STAU2: variants seen among roughly 807,000 people sequenced by gnomAD.
STAU2 encodes double-stranded RNA-binding protein Staufen homolog 2.
A neutral mutation model predicts 65.9 loss-of-function variants in STAU2; 20 were observed. The observed-to-expected ratio is 0.30, with a 90% CI of 0.21 to 0.44. STAU2 has a LOEUF of 0.44. Among genes scored for constraint, STAU2 ranks in the 20% least tolerant of loss-of-function variants. The pLI is 1.00. For missense variants in STAU2, 558 were observed against 683.9 expected (o/e 0.82, Z 2.05); for synonymous variants, 232 against 233.9 (o/e 0.99, Z 0.07).
chr8:73,437,926 G>C (rs978619253), intron 13 of STAU2, among the ~76,000 whole-genome samples: 10 of 152,230 alleles, frequency 6.6e-5, no homozygotes, highest in African/African-American at 1.9e-4. Flanking sequence ...AGGCAATCAC[G>C]CACCATGCCC....
At chr8:73,524,560 G>A (rs972443381) in intron 13 of STAU2, among the ~76,000 whole-genome samples, 4 of 152,100 alleles carry the variant, frequency 2.6e-5, no homozygotes, top group Non-Finnish European at 5.9e-5. Context: ...AGTTCCTAGA[G>A]TTACATTTTT....
rs34893638 is a variant in STAU2, at chr8:73,728,463, CA to C, written c.-18+9820del. On this transcript the variant is annotated intron_variant, in intron 3 of 14. Coordinates refer to ENST00000524300, the MANE Select transcript of STAU2 (RefSeq NM_001164380.2). ...ATGAGGATCAGCTTTCCAACTTTTGCAAAAAAAAAAAAAAAAGGCCAATGGA... is the reference window on the plus strand; with the variant it reads ...ATGAGGATCAGCTTTCCAACTTTTGCAAAAAAAAAAAAAAAGGCCAATGGA... Among the ~76,000 whole-genome samples, 272 of 130,804 alleles carry C rather than the reference CA, an allele frequency of 2.1e-3. 1 individual carries two copies. Among genetic ancestry groups the C allele is most frequent in the African/African-American group, 6.4e-3 (223 of 34,998 alleles). 85.8% of individuals were successfully genotyped at this position (130,804 alleles called of 152,430 possible). A position where few individuals can be genotyped will look rare whatever the true frequency, so the allele number is the denominator to read the frequency against.
chr8:73,475,609 C>A (rs62508172), intron 13 of STAU2, among the ~76,000 whole-genome samples: 9 of 152,064 alleles, frequency 5.9e-5, no homozygotes, highest in Non-Finnish European at 1.3e-4. Context: ...TCTATAAAAA[C>A]GGTCTATTGA....
intron 4 of STAU2, among the ~76,000 whole-genome samples, chr8:73,694,778 A>C (rs1819588371): frequency 6.6e-6 from 1 of 152,186 alleles, no homozygotes; most frequent in Non-Finnish European, 1.5e-5. Context: ...GCGTGGAGAG[A>C]AAATCTGTAC....
intron 13 of STAU2, among the ~76,000 whole-genome samples, chr8:73,495,685 A>ATATATATATATATATATATATATG (rs1199482749): frequency 6.8e-6 from 1 of 147,622 alleles, no homozygotes; most frequent in African/African-American, 2.5e-5. Context: ...ATATATATAT[A>ATATATATATATATATATATATATG]TATGTATAGT....
chr8:73,595,460 G>C (rs984756653), intron 10 of STAU2, among the ~76,000 whole-genome samples, 163 bp from the exon 11 acceptor site: 1 of 152,096 alleles, frequency 6.6e-6, no homozygotes. Context: ...TGTTGTATAT[G>C]TACATGAAAA....
chr8:73,602,582 C>T (rs1304013974), intron 10 of STAU2, among the ~76,000 whole-genome samples: 1 of 151,844 alleles, frequency 6.6e-6, no homozygotes, highest in Non-Finnish European at 1.5e-5. Flanking sequence ...ATTAGCTGGC[C>T]ATGGTAGTGT....
At chr8:73,633,818 T>C (rs1222854765) in intron 6 of STAU2, among the ~76,000 whole-genome samples, 1 of 151,962 alleles carries the variant, frequency 6.6e-6, no homozygotes, top group Non-Finnish European at 1.5e-5. Context: ...CCATTTCTAC[T>C]AAAAATACAA....
At chr8:73,544,052 C>T (rs1806735250) in intron 13 of STAU2, among the ~76,000 whole-genome samples, 1 of 152,130 alleles carries the variant, frequency 6.6e-6, no homozygotes, top group Non-Finnish European at 1.5e-5. Context: ...AAAACTTTGC[C>T]TAAACATCTC....
intron 12 of STAU2, among the ~76,000 whole-genome samples, chr8:73,568,547 G>A (rs1472528369): frequency 6.6e-6 from 1 of 152,042 alleles, no homozygotes; most frequent in South Asian, 2.1e-4. Context: ...AGTCTGCAAT[G>A]AGCTATGATC....
At chr8:73,667,267 T>G (rs1817308134) in intron 6 of STAU2, among the ~76,000 whole-genome samples, 1 of 152,124 alleles carries the variant, frequency 6.6e-6, no homozygotes, top group Non-Finnish European at 1.5e-5. Context: ...CAAAGCAATA[T>G]TCCTAAAACA....
chr8:73,427,071 G>A (rs1563583352), intron 13 of STAU2, among the ~76,000 whole-genome samples: 1 of 151,724 alleles, frequency 6.6e-6, no homozygotes, highest in Admixed American at 6.6e-5. Flanking sequence ...TGGGATTACA[G>A]GCATGCACCA....
intron 4 of STAU2, among the ~76,000 whole-genome samples, chr8:73,693,335 C>A (rs376630106): frequency 6.6e-6 from 1 of 151,832 alleles, no homozygotes; most frequent in African/African-American, 2.4e-5. Context: ...ATTAGCCGGG[C>A]GTGGTAGCAG....
chr8:73,443,537 C>A (rs1415582888), intron 13 of STAU2, among the ~76,000 whole-genome samples: 1 of 152,190 alleles, frequency 6.6e-6, no homozygotes, highest in Non-Finnish European at 1.5e-5. Flanking sequence ...GGCACCTTCT[C>A]AATGAAGCCT....
At chr8:73,537,940 C>T (rs888683469) in intron 13 of STAU2, among the ~76,000 whole-genome samples, 2 of 152,202 alleles carry the variant, frequency 1.3e-5, no homozygotes, top group African/African-American at 4.8e-5. Flanking sequence ...AGTATCACTT[C>T]TGTGATAGTC....
rs575281835 is a variant in STAU2 at position 73,706,124 on chromosome 8, A to T, written c.114+2908T>A. The stretch of plus-strand genomic sequence containing the variant: ...TATAATTAATGTACCAAGAAAAAAA[A>T]TTTTTTTTTTGAGACCGAGTCTCAC... On this transcript the variant is annotated intron_variant, in intron 4 of 14. Coordinates refer to ENST00000524300, the MANE Select transcript of STAU2 (RefSeq NM_001164380.2). 4.7e-3 allele frequency among the ~76,000 whole-genome samples: 713 copies of T among 150,606 alleles called. 5 individuals are homozygous for T. Among genetic ancestry groups the T allele is most frequent in the African/African-American group, 0.016 (676 of 41,014 alleles).
intron 13 of STAU2, among the ~76,000 whole-genome samples, chr8:73,505,886 A>G (rs1313302270): frequency 6.6e-6 from 1 of 152,052 alleles, no homozygotes; most frequent in Non-Finnish European, 1.5e-5. Flanking sequence ...CTTGGTGATA[A>G]GTGAGTTCTC....
chr8:73,427,156 G>A (rs772527029), intron 13 of STAU2, among the ~76,000 whole-genome samples: 26 of 151,982 alleles, frequency 1.7e-4, no homozygotes, highest in Non-Finnish European at 2.6e-4. Flanking sequence ...TCGAACTCCC[G>A]ACCTCAGGTG....
chr8:73,470,169 G>A (rs538842371), intron 13 of STAU2, among the ~76,000 whole-genome samples: 5 of 152,296 alleles, frequency 3.3e-5, no homozygotes, highest in African/African-American at 1.2e-4. Context: ...TACATTCAGG[G>A]TTGGATTAGG....
Sources: allele counts gnomAD v4.1 joint callset (sites outside exome capture counted in the v4.1 genomes callset), GRCh38; gene constraint gnomAD v4.1.1; transcripts MANE v1.5; gene names NCBI Gene and HGNC (gene_info 2026-07-23, HGNC 2026-07-21).